The following PLEKHA5 variants were observed in gnomAD, a reference collection of about 807,000 sequenced individuals.
PLEKHA5 encodes the protein pleckstrin homology domain-containing family A member 5.
In PLEKHA5, 55 loss-of-function variants were observed where a neutral mutation model predicts 181.9. That is an observed-to-expected ratio of 0.30 (90% confidence interval 0.24 to 0.38). The LOEUF is 0.38. Among genes scored for constraint, PLEKHA5 ranks in the 10% least tolerant of loss-of-function variants. PLEKHA5 has a pLI of 1.00. For synonymous variants in PLEKHA5, 535 were observed against 529.4 expected, an observed-to-expected ratio of 1.01 and a Z score of -0.15; for missense variants, 1,432 against 1,549.5, an observed-to-expected ratio of 0.92 and a Z score of 1.27.
chr12:19,186,008 C>T (rs898314967), intron 3 of PLEKHA5, among the ~76,000 whole-genome samples: 2 of 152,126 alleles, frequency 1.3e-5, no homozygotes, highest in Non-Finnish European at 2.9e-5. Context: ...TGTTATCTGT[C>T]TCTCTAGGCT....
At chr12:19,310,569 C>T (rs1338036163) in intron 15 of PLEKHA5, among the ~76,000 whole-genome samples, 2 of 138,756 alleles carry the variant, frequency 1.4e-5, no homozygotes, top group South Asian at 2.2e-4. Flanking sequence ...AAAATGGTGC[C>T]ATTGCACTCC....
intron 11 of PLEKHA5, among the ~76,000 whole-genome samples, chr12:19,277,944 C>G (rs1323835270): frequency 6.6e-6 from 1 of 152,156 alleles, no homozygotes; most frequent in Non-Finnish European, 1.5e-5. Context: ...GCTTGACAGG[C>G]AGCTGCTGGC....
At chr12:19,206,542 A>G (rs190248289) in intron 3 of PLEKHA5, among the ~76,000 whole-genome samples, 51 of 152,226 alleles carry the variant, frequency 3.4e-4, no homozygotes, top group Middle Eastern at 3.4e-3. Context: ...ATTTGAGGCT[A>G]TAAGGTGCTT....
chr12:19,363,494 T>G (rs917516447), intron 29 of PLEKHA5, among the ~76,000 whole-genome samples: 15 of 149,976 alleles, frequency 1.0e-4, no homozygotes, highest in Non-Finnish European at 1.6e-4. Flanking sequence ...TTAACTAGCC[T>G]TCTTTTTTTT....
In PLEKHA5 at chr12:19,130,042, C is replaced by A. The variant is rs371063090; in HGVS notation, c.90-9C>A. On this transcript the variant is annotated splice_polypyrimidine_tract_variant and intron_variant, in intron 1 of 31. Coordinates refer to ENST00000429027, the MANE Select transcript of PLEKHA5 (RefSeq NM_001256470.2). This position sits in a 1 kb window ranked among gnomAD's most constrained non-coding sequence, Gnocchi z 4.5. ...CGCTCCGTGTCTGCCCCTTCTCTCA[C>A]CCCTGCAGCGAGGAGGCCAAGAGCA... 29 of 1,579,690 alleles carry A rather than the reference C, an allele frequency of 1.8e-5. No homozygotes were observed. The highest frequency in any genetic ancestry group is 2.4e-5 in the Non-Finnish European group (28 of 1,163,550).
chr12:19,249,036 A>T (rs897207639), intron 3 of PLEKHA5, among the ~76,000 whole-genome samples: 4 of 152,158 alleles, frequency 2.6e-5, no homozygotes, highest in African/African-American at 9.7e-5. Flanking sequence ...TTTAATTTAT[A>T]AATTAGGCAC....
At chr12:19,179,270 A>G (rs370107089) in intron 3 of PLEKHA5, among the ~76,000 whole-genome samples, 2 of 152,330 alleles carry the variant, frequency 1.3e-5, no homozygotes, top group South Asian at 2.1e-4. Context: ...TTGAAACAGA[A>G]GAAACAGTTG....
intron 12 of PLEKHA5, among the ~76,000 whole-genome samples, chr12:19,286,559 A>C (rs1184462263): frequency 6.6e-6 from 1 of 152,218 alleles, no homozygotes; most frequent in African/African-American, 2.4e-5. Context: ...CAGACATTAA[A>C]GATTTGCAAA....
intron 30 of PLEKHA5, among the ~76,000 whole-genome samples, chr12:19,369,287 G>A (rs997090765): frequency 6.6e-5 from 10 of 151,340 alleles, no homozygotes; most frequent in Non-Finnish European, 1.5e-4. Flanking sequence ...CGCCTGCCTC[G>A]GCCTCCCAAA....
At chr12:19,356,971 A>T (rs10082906) in intron 26 of PLEKHA5, among the ~76,000 whole-genome samples, 83,647 of 151,868 alleles carry the variant, frequency 0.55, 27,246 homozygotes, top group Non-Finnish European at 0.75. Context: ...AGCATTTTCA[A>T]ATATGACTGA....
At chr12:19,243,168 A>G (rs897376414) in intron 3 of PLEKHA5, 3 of 152,276 alleles carry the variant, frequency 2.0e-5, no homozygotes, top group Admixed American at 6.5e-5. Context: ...GTATGGCTTT[A>G]TTCTGTTCTA....
At chr12:19,166,235 G>A (rs55982139) in intron 3 of PLEKHA5, among the ~76,000 whole-genome samples, 1 of 152,054 alleles carries the variant, frequency 6.6e-6, no homozygotes, top group Admixed American at 6.5e-5. Flanking sequence ...CAGGGTTGAA[G>A]AAAGTTCAAC....
intron 3 of PLEKHA5, among the ~76,000 whole-genome samples, chr12:19,228,546 A>G (rs1344203891): frequency 6.6e-6 from 1 of 152,172 alleles, no homozygotes; most frequent in Non-Finnish European, 1.5e-5. Flanking sequence ...CATTTGTTTC[A>G]TCGTAACAAT....
intron 3 of PLEKHA5, among the ~76,000 whole-genome samples, chr12:19,250,644 G>T (rs1355503599): frequency 6.6e-6 from 1 of 151,878 alleles, no homozygotes; most frequent in African/African-American, 2.4e-5. Context: ...TTTTTATAAG[G>T]ATTCTTCTAG....
chr12:19,254,542 C>T (rs925706315), intron 4 of PLEKHA5, among the ~76,000 whole-genome samples: 1 of 152,026 alleles, frequency 6.6e-6, no homozygotes, highest in Non-Finnish European at 1.5e-5. Context: ...CATGATAGGC[C>T]GGGCACAGTG....
chr12:19,231,876 G>C (rs748128036), intron 3 of PLEKHA5, among the ~76,000 whole-genome samples: 1 of 151,948 alleles, frequency 6.6e-6, no homozygotes, highest in Non-Finnish European at 1.5e-5. Context: ...AAAATGTAAA[G>C]ATTCCATTAA....
At chr12:19,208,137 G>A (rs1032673933) in intron 3 of PLEKHA5, among the ~76,000 whole-genome samples, 2 of 152,068 alleles carry the variant, frequency 1.3e-5, no homozygotes, top group African/African-American at 4.8e-5. Flanking sequence ...GCCAGGTGTG[G>A]TGGCTCACAC....
intron 5 of PLEKHA5, among the ~76,000 whole-genome samples, chr12:19,256,706 G>A (rs1235463488): frequency 1.3e-5 from 2 of 152,144 alleles, no homozygotes; most frequent in African/African-American, 4.8e-5. Flanking sequence ...TTCTGAACAA[G>A]TAGAAAAGTA....
intron 3 of PLEKHA5, among the ~76,000 whole-genome samples, chr12:19,165,369 C>T (rs2044082453): frequency 6.6e-6 from 1 of 151,938 alleles, no homozygotes; most frequent in African/African-American, 2.4e-5. Context: ...GCCTGATGCT[C>T]AGTAAACATT....
Sources: gnomAD v4.1 joint callset for allele counts (sites outside exome capture counted in the v4.1 genomes callset) on GRCh38, gnomAD v4.1.1 for gene constraint, Gnocchi (gnomAD v3.1) non-coding constraint, MANE v1.5 for transcripts, NCBI Gene and HGNC (gene_info 2026-07-23, HGNC 2026-07-21) for gene names.